Variants in PIK3R1 observed in about 807,000 individuals in gnomAD.
PIK3R1 encodes phosphoinositide-3-kinase regulatory subunit 1.
PIK3R1 carries 29 observed loss-of-function variants against 98.0 expected under a neutral mutation model. The ratio of observed to expected loss-of-function variants is 0.30; its 90% CI spans 0.22 to 0.40. The LOEUF (loss-of-function observed/expected upper bound fraction) is 0.40. Among genes scored for constraint, PIK3R1 ranks in the 10% least tolerant of loss-of-function variants. PIK3R1 has a pLI of 1.00. For missense variants in PIK3R1, 596 were observed against 872.7 expected, an observed-to-expected ratio of 0.68 and a Z score of 3.99; for synonymous variants, 282 against 311.8, an observed-to-expected ratio of 0.90 and a Z score of 1.01.
chr5:68,234,407 G>A (rs981730593), intron 2 of PIK3R1, among the ~76,000 whole-genome samples: 3 of 152,222 alleles, frequency 2.0e-5, no homozygotes, highest in South Asian at 4.1e-4. Context: ...AGGATGGTTG[G>A]AAAGATGTAC....
rs1347979603 is a variant in PIK3R1, at chr5:68,263,203, CTATATATATATTTCTACA to C, written c.335-10179_335-10162del. Among the ~76,000 whole-genome samples, 161 of 125,884 alleles carry C rather than the reference CTATATATATATTTCTACA, an allele frequency of 1.3e-3. 3 individuals carry two copies. Among genetic ancestry groups the C allele is most frequent in the East Asian group, 3.3e-3 (15 of 4,586 alleles). The allele number at this position is 125,884 out of a possible 152,430, so 82.6% of individuals were successfully genotyped here. On this transcript the variant is annotated intron_variant, in intron 2 of 15. Coordinates refer to ENST00000521381, the MANE Select transcript of PIK3R1 (RefSeq NM_181523.3). Reference sequence around the variant, plus strand: ...TATATACATATATCTACATATATATCTATATATATATTTCTACATATATATCTATATATGTAGAAATAT... The same window carrying C: ...TATATACATATATCTACATATATATCTATATATCTATATATGTAGAAATAT...
chr5:68,284,129 A>C (rs752439463), intron 7 of PIK3R1, among the ~76,000 whole-genome samples: 20 of 150,420 alleles, frequency 1.3e-4, no homozygotes, highest in Non-Finnish European at 6.0e-5. Context: ...AATTGGGTTA[A>C]TGCCTCTCTC....
Position 68,292,311 on chromosome 5 carries a change from T to C in PIK3R1, c.969T>C (p.Asn323=), listed in dbSNP as rs752764712. ...CTACTGTAGCCAACAACGGTATGAA[T>C]AACAATATGTCCTTACAAGATGCTG... The part of the protein sequence containing the change: ...KPTTVANNGM[N]NNMSLQDAEW... Residue 323 remains asparagine, a synonymous_variant, in exon 8 of 16, where the codon AAT becomes AAC. Transcript: ENST00000521381. 5 of 1,613,632 alleles carry C rather than the reference T, an allele frequency of 3.1e-6. No homozygotes were observed. Among genetic ancestry groups the C allele is most frequent in the Non-Finnish European group, 4.2e-6 (5 of 1,179,582 alleles).
chr5:68,276,326 C>G (rs930636288), intron 4 of PIK3R1, among the ~76,000 whole-genome samples: 3 of 152,202 alleles, frequency 2.0e-5, no homozygotes, highest in Non-Finnish European at 2.9e-5. Flanking sequence ...CATTCTCCCC[C>G]AGTTGTGACA....
At chr5:68,232,830 C>T (rs1253313034) in intron 2 of PIK3R1, among the ~76,000 whole-genome samples, 1 of 152,138 alleles carries the variant, frequency 6.6e-6, no homozygotes, top group Non-Finnish European at 1.5e-5. Flanking sequence ...CTAAGTAAAG[C>T]CCTCACACAC....
chr5:68,274,167 G>C (rs899608357), intron 4 of PIK3R1, among the ~76,000 whole-genome samples, 154 bp downstream of exon 4: 2 of 152,174 alleles, frequency 1.3e-5, no homozygotes, highest in Non-Finnish European at 2.9e-5. Flanking sequence ...CCCTGTTATG[G>C]TAACAGTGCA....
Position 68,280,916 on chromosome 5 carries a change from CT to C in PIK3R1, c.837-8del. 6.5e-7 allele frequency: 1 copy of C among 1,544,542 alleles called. No individual in the cohort carries two copies. Among genetic ancestry groups the C allele is most frequent in the Non-Finnish European group, 8.8e-7 (1 of 1,132,636 alleles). ...AGGGAAAAGGTTTCTAATAAACTCT[CT>C]TTCTTACAGCTCTGATAATACTGAA... is the stretch of plus-strand genomic sequence containing the variant. On this transcript the variant is annotated splice_polypyrimidine_tract_variant and intron_variant, in intron 6 of 15. Coordinates refer to ENST00000521381, the MANE Select transcript of PIK3R1 (RefSeq NM_181523.3).
At chr5:68,255,569 T>G (rs886324228) in intron 2 of PIK3R1, among the ~76,000 whole-genome samples, 1 of 152,044 alleles carries the variant, frequency 6.6e-6, no homozygotes, top group African/African-American at 2.4e-5. Context: ...ATAATGGGAG[T>G]TGAGGAAAAC....
chr5:68,222,911 CA>C (rs1228196269), intron 1 of PIK3R1, among the ~76,000 whole-genome samples: 2 of 152,006 alleles, frequency 1.3e-5, no homozygotes, highest in African/African-American at 4.8e-5. Context: ...TTCCTCTTCG[CA>C]ATTGCTAAGT....
chr5:68,262,403 T>TATACACAC (rs33968242), intron 2 of PIK3R1, among the ~76,000 whole-genome samples: 1 of 140,618 alleles, frequency 7.1e-6, no homozygotes, highest in Middle Eastern at 3.7e-3. Context: ...TATATATATA[T>TATACACAC]ACACACACGC....
At chr5:68,268,898 G>A (rs1580228907) in intron 2 of PIK3R1, among the ~76,000 whole-genome samples, 1 of 152,178 alleles carries the variant, frequency 6.6e-6, no homozygotes, top group Non-Finnish European at 1.5e-5. Context: ...AAGGACTGTC[G>A]AGGCCTGTCC....
intron 2 of PIK3R1, among the ~76,000 whole-genome samples, chr5:68,249,895 C>A (rs768614188): frequency 6.6e-6 from 1 of 152,118 alleles, no homozygotes; most frequent in Non-Finnish European, 1.5e-5. Flanking sequence ...TCTGGGAACC[C>A]CTAAAGAACT....
At chr5:68,229,021 A>AT (rs1298251297) in intron 2 of PIK3R1, among the ~76,000 whole-genome samples, 1 of 152,032 alleles carries the variant, frequency 6.6e-6, no homozygotes, top group East Asian at 1.9e-4. Flanking sequence ...TGAAATGAAA[A>AT]TTTTTAGCAG....
intron 7 of PIK3R1, chr5:68,288,474 G>A: frequency 7.7e-7 from 1 of 1,305,314 alleles, no homozygotes; most frequent in Non-Finnish European, 9.7e-7. Context: ...AGCGGCGGTG[G>A]CCCGGACGCA....
chr5:68,264,509 A>G (rs952376165), intron 2 of PIK3R1, among the ~76,000 whole-genome samples: 2 of 152,228 alleles, frequency 1.3e-5, no homozygotes, highest in African/African-American at 4.8e-5. Context: ...CTCATCTGTA[A>G]AATGGGGACA....
At chr5:68,293,896 G>A (rs2112265722) in intron 11 of PIK3R1, 62 bp downstream of exon 11, 2 of 1,298,656 alleles carry the variant, frequency 1.5e-6, no homozygotes, top group Admixed American at 2.6e-5. Context: ...AGACTAACAT[G>A]GAAAAAAGAA....
intron 2 of PIK3R1, among the ~76,000 whole-genome samples, chr5:68,253,742 C>T (rs1335915349): frequency 6.6e-6 from 1 of 152,096 alleles, no homozygotes; most frequent in Non-Finnish European, 1.5e-5. Context: ...TGGGGATTGG[C>T]GAAATCTGGT....
rs546830982 is a variant in PIK3R1, at chr5:68,301,497, CATAT to C, written c.*3903_*3906del. The C allele has an allele frequency of 3.0e-5, 4 of 132,958 alleles. No homozygotes were observed. The highest frequency in any genetic ancestry group is 8.8e-5 in the African/African-American group (3 of 34,002). 8.2% of individuals were successfully genotyped at this position (132,958 alleles called of 1,614,324 possible). A position where few individuals can be genotyped will look rare whatever the true frequency, so the allele number is the denominator to read the frequency against. On this transcript the variant is annotated 3_prime_UTR_variant, in exon 16 of 16. Transcript: ENST00000521381. The stretch of plus-strand genomic sequence containing the variant: ...ATATACATATATGTATATATATGCA[CATAT>C]ATATATGTATTTAAAAAAATCAAAA...
At chr5:68,263,775 G>A (rs1186656816) in intron 2 of PIK3R1, among the ~76,000 whole-genome samples, 1 of 151,934 alleles carries the variant, frequency 6.6e-6, no homozygotes, top group Non-Finnish European at 1.5e-5. Flanking sequence ...CAGCTGATAG[G>A]GAATTTTCTG....
Sources: allele counts gnomAD v4.1 joint callset (sites outside exome capture counted in the v4.1 genomes callset), GRCh38; gene constraint gnomAD v4.1.1; transcripts MANE v1.5; gene names NCBI Gene and HGNC (gene_info 2026-07-23, HGNC 2026-07-21).